PLEKHH2: variants seen among roughly 807,000 people sequenced by gnomAD.
PLEKHH2 encodes pleckstrin homology domain-containing family H member 2.
PLEKHH2 carries 129 observed loss-of-function variants against 187.9 expected under a neutral mutation model. That is an observed-to-expected ratio of 0.69 (90% CI 0.59 to 0.79). The LOEUF (loss-of-function observed/expected upper bound fraction) is 0.79. PLEKHH2 is among the 30% of genes least tolerant of loss of function. The pLI is 0.00. For missense variants in PLEKHH2, 2,076 were observed against 1,751.2 expected, an observed-to-expected ratio of 1.19 and a Z score of -3.31; for synonymous variants, 686 against 605.6, an observed-to-expected ratio of 1.13 and a Z score of -1.95.
chr2:43,697,334 C>A lies in PLEKHH2; in HGVS notation c.666C>A (p.Phe222Leu). 6.2e-7 allele frequency: 1 copy of A among 1,611,360 alleles called. No homozygotes were observed. Among genetic ancestry groups the A allele is most frequent in the East Asian group, 2.2e-5 (1 of 44,824 alleles). ...MSKISSKEPE[F>L]TEGKDMEEME... Reference sequence around the variant, plus strand: ...AGATATCATCGAAAGAACCTGAGTTCACTGAAGGAAAAGACATGGAAGGTA... The same window carrying A: ...AGATATCATCGAAAGAACCTGAGTTAACTGAAGGAAAAGACATGGAAGGTA... The change falls in exon 7 of 30, where the codon TTC (phenylalanine) becomes TTA (leucine). Residue 222 changes from phenylalanine to leucine, a missense_variant. By Grantham distance (22) the Phe-to-Leu change is conservative. Coordinates refer to ENST00000282406, the MANE Select transcript of PLEKHH2 (RefSeq NM_172069.4).
intron 2 of PLEKHH2, among the ~76,000 whole-genome samples, chr2:43,646,473 G>C (rs1666189573): frequency 6.6e-6 from 1 of 152,068 alleles, no homozygotes; most frequent in South Asian, 2.1e-4. Flanking sequence ...AAATTTTCCT[G>C]CTTTTCTTGA....
At chr2:43,647,344 G>C (rs932788301) in intron 2 of PLEKHH2, among the ~76,000 whole-genome samples, 1 of 152,198 alleles carries the variant, frequency 6.6e-6, no homozygotes, top group Non-Finnish European at 1.5e-5. Flanking sequence ...TATTTAACTT[G>C]ACTGAGTTCA....
Position 43,700,110 on chromosome 2 carries a change from T to A in PLEKHH2, c.1152T>A (p.Asp384Glu). 1 of 1,614,110 alleles carries A rather than the reference T, an allele frequency of 6.2e-7. No homozygotes were observed. The highest frequency in any genetic ancestry group is 1.3e-5 in the African/African-American group (1 of 75,016). ...LSKKEQDSSS[D>E]ELNKKFQSQR... The stretch of plus-strand genomic sequence containing the variant: ...AAAAGGAACAAGATAGTTCCTCGGA[T>A]GAACTGAATAAAAAATTTCAATCCC... The change falls in exon 8 of 30, where the codon GAT becomes GAA. Residue 384 changes from aspartate (D) to glutamate (E), a missense_variant. Transcript: ENST00000282406.
chr2:43,648,725 C>T (rs1472008811), intron 2 of PLEKHH2, among the ~76,000 whole-genome samples: 5 of 151,844 alleles, frequency 3.3e-5, no homozygotes, highest in African/African-American at 1.2e-4. Flanking sequence ...GCATTACAGT[C>T]ATGGGCCACC....
chr2:43,735,528 T>C (rs989026466), intron 19 of PLEKHH2, among the ~76,000 whole-genome samples: 2 of 152,198 alleles, frequency 1.3e-5, no homozygotes, highest in Non-Finnish European at 2.9e-5. Context: ...AGGGCAACTA[T>C]AGCTGACAAG....
At chr2:43,722,280 A>G (rs1670520167) in intron 16 of PLEKHH2, among the ~76,000 whole-genome samples, 1 of 151,770 alleles carries the variant, frequency 6.6e-6, no homozygotes, top group African/African-American at 2.4e-5. Context: ...AAATGTTAAT[A>G]TAGAATTGTG....
rs564932998 is a variant in PLEKHH2, at chr2:43,650,238, T to A, written c.123+5442T>A. On this transcript the variant is annotated intron_variant, in intron 2 of 29. Coordinates refer to ENST00000282406, the MANE Select transcript of PLEKHH2 (RefSeq NM_172069.4). ...CCTTCTGCCCCCTGGGTTCAAGTGA[T>A]CCTCCTGCCTCAGCCTCCTGAGTAG... Among the ~76,000 whole-genome samples the A allele has an allele frequency of 8.5e-4, 126 of 148,234 alleles. 1 individual carries two copies. The highest frequency in any genetic ancestry group is 3.1e-3 in the African/African-American group (123 of 40,208).
chr2:43,659,459 A>G (rs1666958517), intron 2 of PLEKHH2, among the ~76,000 whole-genome samples: 1 of 151,526 alleles, frequency 6.6e-6, no homozygotes, highest in South Asian at 2.1e-4. Flanking sequence ...AGTCTTTCAC[A>G]TGGTGTTATC....
At chr2:43,747,041 C>A (rs576507787) in intron 24 of PLEKHH2, among the ~76,000 whole-genome samples, 106 of 151,504 alleles carry the variant, frequency 7.0e-4, no homozygotes, top group African/African-American at 2.5e-3. Context: ...ATTCTTTATA[C>A]TCATATTTAT....
intron 1 of PLEKHH2, among the ~76,000 whole-genome samples, chr2:43,639,956 C>T (rs531773213): frequency 6.6e-6 from 1 of 152,170 alleles, no homozygotes. Flanking sequence ...TGCACCCAGC[C>T]AGATCTACTA....
intron 19 of PLEKHH2, among the ~76,000 whole-genome samples, 179 bp from the exon 20 acceptor site, chr2:43,738,162 A>G (rs1473687617): frequency 1.3e-5 from 2 of 152,178 alleles, no homozygotes; most frequent in African/African-American, 4.8e-5. Flanking sequence ...TTGCTCTGAA[A>G]TCTGCTTTGT....
chr2:43,673,850 A>G (rs552220241), intron 2 of PLEKHH2, among the ~76,000 whole-genome samples: 8 of 152,284 alleles, frequency 5.3e-5, no homozygotes, highest in East Asian at 1.9e-4. Context: ...AGTTTTCCCT[A>G]TATTCATATT....
chr2:43,673,150 G>T (rs1293888426), intron 2 of PLEKHH2, among the ~76,000 whole-genome samples: 1 of 152,058 alleles, frequency 6.6e-6, no homozygotes, highest in Admixed American at 6.5e-5. Flanking sequence ...CAGCTTTCAT[G>T]GTTGTCAACT....
At chr2:43,683,271 G>A (rs923227150) in intron 3 of PLEKHH2, among the ~76,000 whole-genome samples, 5 of 144,604 alleles carry the variant, frequency 3.5e-5, no homozygotes, top group East Asian at 2.1e-4. Flanking sequence ...TCAGCCTCCC[G>A]AGTAGCTGGG....
At chr2:43,701,321 G>A (rs890977567) in intron 8 of PLEKHH2, among the ~76,000 whole-genome samples, 3 of 152,132 alleles carry the variant, frequency 2.0e-5, no homozygotes, top group African/African-American at 7.2e-5. Context: ...AAGTTGCCAG[G>A]CTCTGCATGC....
At chr2:43,657,180 G>A (rs1666820932) in intron 2 of PLEKHH2, among the ~76,000 whole-genome samples, 1 of 152,202 alleles carries the variant, frequency 6.6e-6, no homozygotes, top group Non-Finnish European at 1.5e-5. Context: ...ATCAGCTGGA[G>A]GGTGGACTCA....
rs190574313 is a variant in PLEKHH2 at position 43,741,227 on chromosome 2, C to T, written c.3221+184C>T. 166 of 443,444 alleles carry T rather than the reference C, an allele frequency of 3.7e-4. 1 individual carries two copies. In the East Asian group the frequency reaches 6.3e-3, roughly 17 times the overall value. 27.5% of individuals were successfully genotyped at this position (443,444 alleles called of 1,614,324 possible). On this transcript the variant is annotated intron_variant, in intron 21 of 29. Coordinates refer to ENST00000282406, the MANE Select transcript of PLEKHH2 (RefSeq NM_172069.4). The stretch of plus-strand genomic sequence containing the variant: ...AAATATTTCCTTTGTTATGTTAAAT[C>T]TCTTAGGGAAGATTGCAATAAATAC...
chr2:43,654,949 C>A (rs1666677602), intron 2 of PLEKHH2, among the ~76,000 whole-genome samples: 1 of 152,018 alleles, frequency 6.6e-6, no homozygotes, highest in South Asian at 2.1e-4. Flanking sequence ...ATTGCTTGAA[C>A]CTGGGAGATG....
chr2:43,660,474 T>A (rs1409733744), intron 2 of PLEKHH2, among the ~76,000 whole-genome samples: 5 of 146,638 alleles, frequency 3.4e-5, no homozygotes, highest in Non-Finnish European at 7.4e-5. Flanking sequence ...GGAATTTATT[T>A]TTTTTTTTTT....
Sources: allele counts gnomAD v4.1 joint callset (sites outside exome capture counted in the v4.1 genomes callset), GRCh38; gene constraint gnomAD v4.1.1; transcripts MANE v1.5; gene names NCBI Gene and HGNC (gene_info 2026-07-23, HGNC 2026-07-21).